The following NCAM2 variants were observed in gnomAD, a reference collection of about 807,000 sequenced individuals.
NCAM2 encodes the protein N-CAM-2.
Under a neutral mutation model 98.1 loss-of-function variants are expected in NCAM2, and 30 were observed. The ratio of observed to expected loss-of-function variants is 0.31; its 90% CI spans 0.23 to 0.41. The LOEUF is 0.41. Among genes scored for constraint, NCAM2 ranks in the 10% least tolerant of loss-of-function variants. The pLI, the probability that NCAM2 is intolerant of heterozygous loss-of-function variation, is 1.00. For synonymous variants in NCAM2, 368 were observed against 342.4 expected (o/e 1.07, Z -0.83); for missense variants, 867 against 1,005.8 (o/e 0.86, Z 1.87).
chr21:21,052,309 G>T (rs539441352), intron 1 of NCAM2, among the ~76,000 whole-genome samples: 1 of 151,948 alleles, frequency 6.6e-6, no homozygotes, highest in East Asian at 1.9e-4. Flanking sequence ...GACTACAGGC[G>T]CCCGCCACCA....
rs543787238 is a variant in NCAM2 at position 21,288,474 on chromosome 21, AACGTGAAACATAAC to A, written c.481+2065_481+2078del. The stretch of plus-strand genomic sequence containing the variant: ...AATGTAGAAGAAATGGGTATAGTTT[AACGTGAAACATAAC>A]ACTAAGTTGTGTGGCAGGTGAAAAA... On this transcript the variant is annotated intron_variant, in intron 4 of 17. Transcript: ENST00000400546. 7.5e-3 allele frequency among the ~76,000 whole-genome samples: 1,147 copies of A among 151,990 alleles called. 21 individuals are homozygous for A. Among genetic ancestry groups the A allele is most frequent in the African/African-American group, 0.027 (1,110 of 41,514 alleles).
intron 15 of NCAM2, among the ~76,000 whole-genome samples, chr21:21,483,714 T>C (rs1382963632): frequency 1.1e-4 from 16 of 152,102 alleles, no homozygotes; most frequent in Admixed American, 9.8e-4. Flanking sequence ...CTAACCTAAA[T>C]ATTGATACTA....
At chr21:21,306,986 G>A (rs1308588893) in intron 5 of NCAM2, among the ~76,000 whole-genome samples, 1 of 152,060 alleles carries the variant, frequency 6.6e-6, no homozygotes, top group Non-Finnish European at 1.5e-5. Context: ...TTAACGTAAT[G>A]ATCTGCAGTT....
intron 1 of NCAM2, among the ~76,000 whole-genome samples, chr21:21,018,560 A>G (rs1426173343): frequency 6.6e-6 from 1 of 152,196 alleles, no homozygotes; most frequent in East Asian, 1.9e-4. Flanking sequence ...AAAATTATAG[A>G]TGCATATTCT....
Position 21,412,369 on chromosome 21 carries a change from C to T in NCAM2, c.1383+1908C>T, listed in dbSNP as rs141036611. Among the ~76,000 whole-genome samples, 928 of 152,240 alleles carry T rather than the reference C, an allele frequency of 6.1e-3. 10 individuals are homozygous for T. Among genetic ancestry groups the T allele is most frequent in the African/African-American group, 0.021 (889 of 41,534 alleles). Reference sequence around the variant, plus strand: ...ATCCTATCTCCAAATTCATTCACACCGGAATTTAGGGTTTCAGTATATGAA... The same window carrying T: ...ATCCTATCTCCAAATTCATTCACACTGGAATTTAGGGTTTCAGTATATGAA... On this transcript the variant is annotated intron_variant, in intron 10 of 17. Transcript: ENST00000400546.
chr21:21,207,882 C>T (rs918509949), intron 1 of NCAM2, among the ~76,000 whole-genome samples: 4 of 152,114 alleles, frequency 2.6e-5, no homozygotes, highest in Non-Finnish European at 5.9e-5. Context: ...AATACAGATG[C>T]TTTAGTCTCT....
intron 12 of NCAM2, among the ~76,000 whole-genome samples, chr21:21,433,025 G>C (rs1211432282): frequency 6.6e-6 from 1 of 152,090 alleles, no homozygotes; most frequent in Non-Finnish European, 1.5e-5. Flanking sequence ...ATGGTGTAGG[G>C]GTTCAGTAAA....
At chr21:21,088,970 C>CAAGAGA (rs769220357) in intron 1 of NCAM2, among the ~76,000 whole-genome samples, 1 of 138,778 alleles carries the variant, frequency 7.2e-6, no homozygotes, top group African/African-American at 2.6e-5. Flanking sequence ...AACTCTGTCT[C>CAAGAGA]AAAAAAAAAA....
At chr21:21,244,766 G>C (rs1490719404) in intron 1 of NCAM2, among the ~76,000 whole-genome samples, 5 of 145,326 alleles carry the variant, frequency 3.4e-5, no homozygotes, top group Non-Finnish European at 7.4e-5. Flanking sequence ...AGAATCACTT[G>C]AACCTGGGAG....
chr21:21,362,370 A>T (rs2075667595), intron 8 of NCAM2, among the ~76,000 whole-genome samples: 1 of 151,242 alleles, frequency 6.6e-6, no homozygotes, highest in Non-Finnish European at 1.5e-5. Flanking sequence ...TGCTGTGACA[A>T]CCTGCTTTTC....
intron 11 of NCAM2, among the ~76,000 whole-genome samples, chr21:21,419,144 G>A (rs557869214): frequency 6.8e-4 from 103 of 152,148 alleles, no homozygotes; most frequent in African/African-American, 2.4e-3. Flanking sequence ...TAACAATACA[G>A]ATTGCTTTTT....
intron 1 of NCAM2, among the ~76,000 whole-genome samples, chr21:21,151,721 A>G (rs1457774918): frequency 6.6e-6 from 1 of 151,980 alleles, no homozygotes; most frequent in African/African-American, 2.4e-5. Flanking sequence ...ACTAATAGAG[A>G]CTTCCCAGCC....
At chr21:21,114,374 A>G (rs1276334860) in intron 1 of NCAM2, among the ~76,000 whole-genome samples, 6 of 152,074 alleles carry the variant, frequency 3.9e-5, no homozygotes, top group Non-Finnish European at 8.8e-5. Flanking sequence ...TCATTTTCCT[A>G]TTGTCTGTTT....
At chr21:21,406,083 A>G (rs2076732259) in intron 9 of NCAM2, among the ~76,000 whole-genome samples, 1 of 152,132 alleles carries the variant, frequency 6.6e-6, no homozygotes, top group Non-Finnish European at 1.5e-5. Context: ...GGTTACCCTC[A>G]TTCGTCAAAC....
chr21:21,314,381 TCTC>T (rs562975496), intron 5 of NCAM2, among the ~76,000 whole-genome samples: 215 of 152,268 alleles, frequency 1.4e-3, no homozygotes, highest in Non-Finnish European at 2.3e-3. Flanking sequence ...GAATCATTCT[TCTC>T]CTATAACTAT....
intron 1 of NCAM2, among the ~76,000 whole-genome samples, chr21:21,097,486 T>C (rs2066147398): frequency 1.3e-5 from 2 of 151,706 alleles, no homozygotes; most frequent in Non-Finnish European, 3.0e-5. Flanking sequence ...AATGTAAAAC[T>C]ACATATTTTT....
intron 1 of NCAM2, among the ~76,000 whole-genome samples, chr21:21,177,001 ATTTAC>A (rs1429876371): frequency 6.6e-6 from 1 of 152,130 alleles, no homozygotes; most frequent in African/African-American, 2.4e-5. Context: ...ATCAATGCCT[ATTTAC>A]TTAGAACATT....
At chr21:21,480,937 A>G (rs994687282) in intron 15 of NCAM2, among the ~76,000 whole-genome samples, 1 of 152,238 alleles carries the variant, frequency 6.6e-6, no homozygotes, top group African/African-American at 2.4e-5. Flanking sequence ...ATGAGGATCA[A>G]ACATCAGATC....
chr21:21,416,789 T>C lies in NCAM2; in HGVS notation c.1384-1684T>C, dbSNP rs981904386. Reference sequence around the variant, plus strand: ...AACATTTCATTGTGCTGGGTTTAAGTGTAAAACCACTATTGGACTTTAGTT... The same window carrying C: ...AACATTTCATTGTGCTGGGTTTAAGCGTAAAACCACTATTGGACTTTAGTT... On this transcript the variant is annotated intron_variant, in intron 10 of 17. Transcript: ENST00000400546. Among the ~76,000 whole-genome samples, 5 of 152,156 alleles carry C rather than the reference T, an allele frequency of 3.3e-5. No homozygotes were observed. The South Asian group carries it at 1.0e-3, about 31-fold the overall frequency.
Sources: allele counts gnomAD v4.1 joint callset (sites outside exome capture counted in the v4.1 genomes callset), GRCh38; gene constraint gnomAD v4.1.1; transcripts MANE v1.5; gene names NCBI Gene and HGNC (gene_info 2026-07-23, HGNC 2026-07-21).